The following CNTN6 variants were observed in gnomAD, a reference collection of about 807,000 sequenced individuals.
CNTN6 encodes contactin-6.
In CNTN6, 137 loss-of-function variants were observed where a neutral mutation model predicts 122.8. The observed-to-expected ratio is 1.12, with a 90% CI of 0.97 to 1.29. The LOEUF (loss-of-function observed/expected upper bound fraction) is 1.29, where lower values mean the gene tolerates loss of function less well. CNTN6 is among the 50% of genes most tolerant of loss of function. The pLI, the probability that CNTN6 is intolerant of heterozygous loss-of-function variation, is 0.00. For missense variants in CNTN6, 1,634 were observed against 1,223.4 expected (o/e 1.34, Z -5.01); for synonymous variants, 570 against 426.0 (o/e 1.34, Z -4.16).
intron 2 of CNTN6, among the ~76,000 whole-genome samples, chr3:1,202,479 T>C (rs2093893380): frequency 6.6e-6 from 1 of 151,750 alleles, no homozygotes; most frequent in Non-Finnish European, 1.5e-5. Flanking sequence ...GGGCGGAGCT[T>C]GCAGTGAGCC....
intron 1 of CNTN6, among the ~76,000 whole-genome samples, chr3:1,129,630 T>C (rs1042517512): frequency 6.6e-6 from 1 of 152,106 alleles, no homozygotes; most frequent in African/African-American, 2.4e-5. Flanking sequence ...AATTCTAATA[T>C]GCAAAGTGCT....
intron 4 of CNTN6, among the ~76,000 whole-genome samples, chr3:1,257,269 C>G (rs1181163625): frequency 6.6e-6 from 1 of 152,164 alleles, no homozygotes; most frequent in South Asian, 2.1e-4. Context: ...TTTTCTTTTA[C>G]AAATTATGTG....
At chr3:1,240,323 A>G (rs2094466467) in intron 4 of CNTN6, among the ~76,000 whole-genome samples, 1 of 152,224 alleles carries the variant, frequency 6.6e-6, no homozygotes, top group Admixed American at 6.5e-5. Context: ...ACAAATCAGC[A>G]AGAAAAAAAC....
intron 5 of CNTN6, among the ~76,000 whole-genome samples, chr3:1,291,978 G>A (rs989148456): frequency 1.3e-5 from 2 of 152,076 alleles, no homozygotes; most frequent in African/African-American, 4.8e-5. Context: ...TGTTGAGGCT[G>A]AAGGAAACCA....
intron 2 of CNTN6, among the ~76,000 whole-genome samples, chr3:1,207,480 G>T (rs1323606082): frequency 6.6e-6 from 1 of 152,032 alleles, no homozygotes; most frequent in Middle Eastern, 3.2e-3. Context: ...CTCAGTGCAT[G>T]TTTTATTATC....
At chr3:1,180,428 C>G (rs577873092) in intron 2 of CNTN6, among the ~76,000 whole-genome samples, 47 of 152,254 alleles carry the variant, frequency 3.1e-4, no homozygotes, top group African/African-American at 1.1e-3. Flanking sequence ...TAGTTCCCAC[C>G]AAAATAGATG....
At chr3:1,141,605 G>A (rs2092609776) in intron 1 of CNTN6, among the ~76,000 whole-genome samples, 1 of 152,090 alleles carries the variant, frequency 6.6e-6, no homozygotes, top group Admixed American at 6.6e-5. Context: ...TGCAAAAGAG[G>A]TAAGAAAAAG....
At chr3:1,302,297 CCTGT>C (rs1418014976) in intron 7 of CNTN6, among the ~76,000 whole-genome samples, 2 of 152,112 alleles carry the variant, frequency 1.3e-5, no homozygotes, top group African/African-American at 4.8e-5. Context: ...TCTAAATCTT[CCTGT>C]CTACTTTGTG....
At chr3:1,165,344 T>C (rs2093222722) in intron 2 of CNTN6, among the ~76,000 whole-genome samples, 1 of 152,184 alleles carries the variant, frequency 6.6e-6, no homozygotes, top group South Asian at 2.1e-4. Context: ...ATTACACCAA[T>C]AGGAAATCAT....
At position 1,268,858 on chromosome 3, in the gene CNTN6, G is replaced by A. The variant is rs368719287; in HGVS notation, c.359-9555G>A. 9.9e-5 allele frequency among the ~76,000 whole-genome samples: 15 copies of A among 152,162 alleles called. 1 individual carries two copies. The highest frequency in any genetic ancestry group is 3.4e-4 in the African/African-American group (14 of 41,514). ...AAGCTGGGATTGGTGGCACACACCT[G>A]TAATCCTAGCTACTCAGAAGGCTAA... On this transcript the variant is annotated intron_variant, in intron 4 of 22. Coordinates refer to ENST00000446702, the MANE Select transcript of CNTN6 (RefSeq NM_001289080.2).
At chr3:1,274,614 C>G (rs1691982879) in intron 4 of CNTN6, among the ~76,000 whole-genome samples, 1 of 152,084 alleles carries the variant, frequency 6.6e-6, no homozygotes, top group Non-Finnish European at 1.5e-5. Flanking sequence ...ACAAAAAGAA[C>G]ACTGATATGG....
chr3:1,379,666 C>T (rs867247364), intron 17 of CNTN6, among the ~76,000 whole-genome samples: 2 of 152,226 alleles, frequency 1.3e-5, no homozygotes, highest in South Asian at 4.1e-4. Context: ...ATTAAAGCCA[C>T]TTCCTCTGTG....
At chr3:1,384,755 A>G (rs1478922708) in intron 19 of CNTN6, among the ~76,000 whole-genome samples, 1 of 135,918 alleles carries the variant, frequency 7.4e-6, no homozygotes, top group Non-Finnish European at 1.5e-5. Context: ...ATACACATAT[A>G]TATACATATA....
intron 5 of CNTN6, among the ~76,000 whole-genome samples, chr3:1,289,911 T>C (rs1559723166): frequency 6.6e-6 from 1 of 152,156 alleles, no homozygotes; most frequent in Non-Finnish European, 1.5e-5. Context: ...CCTGACCTCG[T>C]GATCCGCCCG....
At chr3:1,398,966 A>T (rs1179737172) in intron 20 of CNTN6, among the ~76,000 whole-genome samples, 1 of 152,166 alleles carries the variant, frequency 6.6e-6, no homozygotes, top group Non-Finnish European at 1.5e-5. Context: ...TGACAAAGTC[A>T]TTGCCAACAT....
chr3:1,175,464 AG>A (rs560867642), intron 2 of CNTN6, among the ~76,000 whole-genome samples: 66 of 152,298 alleles, frequency 4.3e-4, no homozygotes, highest in African/African-American at 1.5e-3. Context: ...GGCTAACAGC[AG>A]GTTAGCCAAT....
At chr3:1,281,289 C>A (rs1258200682) in intron 5 of CNTN6, among the ~76,000 whole-genome samples, 6 of 152,096 alleles carry the variant, frequency 3.9e-5, no homozygotes, top group African/African-American at 1.4e-4. Flanking sequence ...ATGGCTCTCA[C>A]AGAGAAACGT....
chr3:1,236,519 C>G (rs116813536), intron 4 of CNTN6, among the ~76,000 whole-genome samples: 1,655 of 152,224 alleles, frequency 0.011, 29 homozygotes, highest in African/African-American at 0.036. Context: ...AGCCCCATTC[C>G]TAGGGGAAGC....
intron 4 of CNTN6, among the ~76,000 whole-genome samples, chr3:1,230,454 C>T (rs143281736): frequency 6.6e-6 from 1 of 152,190 alleles, no homozygotes; most frequent in Non-Finnish European, 1.5e-5. Context: ...CCTATCTCAA[C>T]TTAGACAGAC....
Sources: gnomAD v4.1 joint callset for allele counts (sites outside exome capture counted in the v4.1 genomes callset) on GRCh38, gnomAD v4.1.1 for gene constraint, MANE v1.5 for transcripts, NCBI Gene and HGNC (gene_info 2026-07-23, HGNC 2026-07-21) for gene names.